The following TIA1 variants were observed in gnomAD, a reference collection of about 807,000 sequenced individuals.
TIA1 encodes the protein cytotoxic granule associated RNA binding protein TIA1.
A neutral mutation model predicts 65.9 loss-of-function variants in TIA1; 23 were observed. The ratio of observed to expected loss-of-function variants is 0.35; its 90% CI spans 0.25 to 0.49. TIA1 has a LOEUF of 0.49. TIA1 is among the 20% of genes least tolerant of loss of function. The pLI is 0.98. For missense variants in TIA1, 371 were observed against 477.9 expected (o/e 0.78, Z 2.09); for synonymous variants, 147 against 149.4 (o/e 0.98, Z 0.12).
chr2:70,239,249 C>T (rs1005158919), intron 1 of TIA1, among the ~76,000 whole-genome samples: 7 of 152,094 alleles, frequency 4.6e-5, no homozygotes, highest in African/African-American at 1.2e-4. Context: ...CCCGCCACCA[C>T]GCCCGGCTAG....
At chr2:70,224,032 C>T (rs1345306469) in intron 7 of TIA1, among the ~76,000 whole-genome samples, 1 of 152,142 alleles carries the variant, frequency 6.6e-6, no homozygotes, top group Non-Finnish European at 1.5e-5. Flanking sequence ...ATCCTCCTGC[C>T]TCAGCTTCCC....
chr2:70,218,208 C>T (rs1311281837), intron 7 of TIA1, among the ~76,000 whole-genome samples: 2 of 152,172 alleles, frequency 1.3e-5, no homozygotes, highest in East Asian at 3.9e-4. Context: ...GACATTTAAA[C>T]TAAGCCTGAC....
At chr2:70,227,113 T>G (rs73939154) in intron 6 of TIA1, among the ~76,000 whole-genome samples, 4,275 of 152,254 alleles carry the variant, frequency 0.028, 164 homozygotes, top group African/African-American at 0.088. Context: ...CTTACTCTAA[T>G]ATGGCATGCT....
intron 2 of TIA1, among the ~76,000 whole-genome samples, chr2:70,231,936 C>G (rs1380438797): frequency 1.3e-5 from 2 of 152,132 alleles, no homozygotes; most frequent in Non-Finnish European, 1.5e-5. Flanking sequence ...GGCGCAGTGG[C>G]TCATGCCTGT....
intron 1 of TIA1, among the ~76,000 whole-genome samples, chr2:70,244,018 G>C (rs953500011): frequency 1.3e-5 from 2 of 152,142 alleles, no homozygotes; most frequent in African/African-American, 4.8e-5. Flanking sequence ...GCCCTCATAA[G>C]GATCCGTATG....
chr2:70,210,375 C>A lies in TIA1; in HGVS notation c.*2344G>T, dbSNP rs901490150. On this transcript the variant is annotated 3_prime_UTR_variant, in exon 13 of 13. Transcript: ENST00000433529. ...ATTTTAAAAACTTTAATTTCCTTAC[C>A]TGATACTAATACCAGTATGATTTTT... The A allele has an allele frequency of 1.3e-5, 2 of 152,070 alleles. No individual in the cohort carries two copies. Among genetic ancestry groups the A allele is most frequent in the African/African-American group, 4.8e-5 (2 of 41,406 alleles). 9.4% of individuals were successfully genotyped at this position (152,070 alleles called of 1,614,324 possible).
At position 70,209,504 on chromosome 2, in the gene TIA1, G is replaced by C. The variant is rs1337647974; in HGVS notation, c.*3215C>G. 2.5e-6 allele frequency: 1 copy of C among 397,698 alleles called. No individual in the cohort carries two copies. The highest frequency in any genetic ancestry group is 2.1e-5 in the African/African-American group (1 of 48,528). The allele number at this position is 397,698 out of a possible 1,614,324, so 24.6% of individuals were successfully genotyped here. On this transcript the variant is annotated 3_prime_UTR_variant, in exon 13 of 13. Transcript: ENST00000433529. Reference sequence around the variant, plus strand: ...TCTTAAATTGAAACTCATCATTTTGGATGTACATTCAAATTCTAAACACAA... The same window carrying C: ...TCTTAAATTGAAACTCATCATTTTGCATGTACATTCAAATTCTAAACACAA...
chr2:70,247,401 T>C (rs1219922625), intron 1 of TIA1, among the ~76,000 whole-genome samples: 1 of 152,228 alleles, frequency 6.6e-6, no homozygotes, highest in Non-Finnish European at 1.5e-5. Flanking sequence ...AAAATTGCAT[T>C]TTTAATGCAT....
intron 7 of TIA1, among the ~76,000 whole-genome samples, chr2:70,218,070 T>C (rs1386880142): frequency 2.6e-5 from 4 of 152,204 alleles, no homozygotes; most frequent in Non-Finnish European, 5.9e-5. Flanking sequence ...TTACATTCTT[T>C]TGTGGGGAAC....
chr2:70,219,579 C>A (rs1212106904), intron 7 of TIA1, among the ~76,000 whole-genome samples: 2 of 152,074 alleles, frequency 1.3e-5, no homozygotes, highest in African/African-American at 4.8e-5. Context: ...TCAAGTGATA[C>A]TCCCACCTCA....
Position 70,212,151 on chromosome 2 carries a change from A to G in TIA1, c.*568T>C, listed in dbSNP as rs1676632513. The G allele has an allele frequency of 6.6e-6, 1 of 152,626 alleles. No homozygotes were observed. Among genetic ancestry groups the G allele is most frequent in the Non-Finnish European group, 1.5e-5 (1 of 68,038 alleles). The allele number at this position is 152,626 out of a possible 1,614,324, so 9.5% of individuals were successfully genotyped here. A position where few individuals can be genotyped will look rare whatever the true frequency, so the allele number is the denominator to read the frequency against. On this transcript the variant is annotated 3_prime_UTR_variant, in exon 13 of 13. Coordinates refer to ENST00000433529, the MANE Select transcript of TIA1 (RefSeq NM_022173.4). ...AATAAGGCAAGACAAATTTGTGAAA[A>G]AAGATGTAGATACAAAAATGATGTA... is the stretch of plus-strand genomic sequence containing the variant.
intron 2 of TIA1, among the ~76,000 whole-genome samples, chr2:70,231,296 C>T (rs1173322253): frequency 2.6e-5 from 4 of 151,828 alleles, no homozygotes; most frequent in African/African-American, 7.3e-5. Flanking sequence ...AGCAAGACTC[C>T]GTCTCAAAAA....
At chr2:70,234,090 G>A (rs1389414273) in intron 2 of TIA1, among the ~76,000 whole-genome samples, 1 of 152,160 alleles carries the variant, frequency 6.6e-6, no homozygotes, top group Non-Finnish European at 1.5e-5. Flanking sequence ...TTTCCCCAGG[G>A]AAACATATGA....
intron 1 of TIA1, 87 bp downstream of exon 1, chr2:70,248,318 A>T (rs1695404700): frequency 4.8e-6 from 7 of 1,461,464 alleles, no homozygotes; most frequent in Non-Finnish European, 6.4e-6. Flanking sequence ...GTCCACGGAG[A>T]ACAATAGGCT....
At chr2:70,227,123 T>A (rs1367064884) in intron 6 of TIA1, among the ~76,000 whole-genome samples, 1 of 152,160 alleles carries the variant, frequency 6.6e-6, no homozygotes, top group Admixed American at 6.6e-5. Context: ...TATGGCATGC[T>A]TTTCAAAATT....
upstream of TIA1, chr2:70,248,702 C>T (rs1352420688): frequency 1.9e-5 from 10 of 530,848 alleles, no homozygotes; most frequent in African/African-American, 7.7e-5. Context: ...CACTCTCAAC[C>T]TCCGGGCCGC....
chr2:70,248,649 G>C, upstream of TIA1: 1 of 635,708 alleles, frequency 1.6e-6, no homozygotes, highest in East Asian at 2.8e-5. Context: ...CCTAGGAGCA[G>C]CCAGCAAAGT....
In TIA1 at chr2:70,216,195, A is replaced by T; in HGVS notation, c.764+13T>A. The T allele has an allele frequency of 6.5e-6, 10 of 1,537,534 alleles. No individual in the cohort carries two copies. Among genetic ancestry groups the T allele is most frequent in the Non-Finnish European group, 8.7e-6 (10 of 1,149,794 alleles). On this transcript the variant is annotated intron_variant, in intron 10 of 12. Coordinates refer to ENST00000433529, the MANE Select transcript of TIA1 (RefSeq NM_022173.4). Reference sequence around the variant, plus strand: ...TTACCAAGAAAAATGTTTTTTTAAAAAACCATCCCTACCGAACAAATGAAT... The same window carrying T: ...TTACCAAGAAAAATGTTTTTTTAAATAACCATCCCTACCGAACAAATGAAT...
At chr2:70,219,579 C>G (rs1212106904) in intron 7 of TIA1, among the ~76,000 whole-genome samples, 1 of 152,074 alleles carries the variant, frequency 6.6e-6, no homozygotes, top group African/African-American at 2.4e-5. Flanking sequence ...TCAAGTGATA[C>G]TCCCACCTCA....
Sources: gnomAD v4.1 joint callset for allele counts (sites outside exome capture counted in the v4.1 genomes callset) on GRCh38, gnomAD v4.1.1 for gene constraint, MANE v1.5 for transcripts, NCBI Gene and HGNC (gene_info 2026-07-23, HGNC 2026-07-21) for gene names.